MCM9: variants seen among roughly 807,000 people sequenced by gnomAD.
The protein encoded by MCM9 is minichromosome maintenance 9 homologous recombination repair factor.
MCM9 carries 55 observed loss-of-function variants against 72.8 expected under a neutral mutation model. The ratio of observed to expected loss-of-function variants is 0.76; its 90% confidence interval spans 0.61 to 0.95. MCM9 has a LOEUF of 0.95. Ranked by LOEUF, MCM9 falls within the 40% of genes least tolerant of loss-of-function variation. The pLI, the probability that MCM9 is intolerant of heterozygous loss-of-function variation, is 0.00. For synonymous variants in MCM9, 480 were observed against 503.4 expected, an observed-to-expected ratio of 0.95 and a Z score of 0.62; for missense variants, 1,279 against 1,377.0, an observed-to-expected ratio of 0.93 and a Z score of 1.13.
chr6:118,832,029 C>G (rs555997739), intron 9 of MCM9, among the ~76,000 whole-genome samples: 2 of 152,262 alleles, frequency 1.3e-5, no homozygotes, highest in South Asian at 4.1e-4. Context: ...ACTGCCGATT[C>G]TGCCTGGGAT....
intron 9 of MCM9, among the ~76,000 whole-genome samples, chr6:118,854,797 A>T (rs1360573397): frequency 1.3e-5 from 2 of 152,230 alleles, no homozygotes; most frequent in African/African-American, 4.8e-5. Context: ...AGTCTAATAC[A>T]TTGATTGATT....
At chr6:118,829,656 T>C (rs1034840732) in intron 9 of MCM9, among the ~76,000 whole-genome samples, 2 of 152,206 alleles carry the variant, frequency 1.3e-5, no homozygotes. Flanking sequence ...TCTATGTGGA[T>C]AGAAAAGATG....
chr6:118,835,837 ATTTC>A (rs1774916885), intron 9 of MCM9, among the ~76,000 whole-genome samples: 1 of 151,974 alleles, frequency 6.6e-6, no homozygotes, highest in Non-Finnish European at 1.5e-5. Context: ...TGTACCCATT[ATTTC>A]TTTCTCTAGC....
At chr6:118,830,663 A>G (rs577904700) in intron 9 of MCM9, among the ~76,000 whole-genome samples, 1 of 152,374 alleles carries the variant, frequency 6.6e-6, no homozygotes, top group South Asian at 2.1e-4. Flanking sequence ...AAAAATGTCC[A>G]CAACACTGGC....
chr6:118,933,463 G>A (rs1045897088), intron 1 of MCM9, among the ~76,000 whole-genome samples: 1 of 150,192 alleles, frequency 6.7e-6, no homozygotes, highest in Non-Finnish European at 1.5e-5. Flanking sequence ...CCGAGACCAC[G>A]CCACTGCACT....
At position 118,815,447 on chromosome 6, in the gene MCM9, C is replaced by A; in HGVS notation, c.2809G>T (p.Asp937Tyr). The A allele has an allele frequency of 2.6e-6, 4 of 1,550,334 alleles. No homozygotes were observed. The highest frequency in any genetic ancestry group is 3.5e-6 in the Non-Finnish European group (4 of 1,146,932). ...GCACCAGGTGACACATGGCTGTGAT[C>A]TTCAAAGGAGTGGATCAGTTTTGAC... ...QKSKLIHSFE[D>Y]HSHVSPGATK... The change falls in exon 14 of 14, where the codon GAT (aspartate) becomes TAT (tyrosine). Residue 937 changes from aspartate to tyrosine, a missense_variant. By Grantham distance (160) the Asp-to-Tyr change is radical. Coordinates refer to ENST00000619706, the MANE Select transcript of MCM9 (RefSeq NM_017696.3).
At chr6:118,826,549 C>T (rs560767542) in intron 12 of MCM9, among the ~76,000 whole-genome samples, 17 of 152,188 alleles carry the variant, frequency 1.1e-4, no homozygotes, top group Admixed American at 3.9e-4. Flanking sequence ...AAAAAACGAT[C>T]GAAGCGCACT....
At chr6:118,929,654 T>C (rs1311523184) in intron 3 of MCM9, among the ~76,000 whole-genome samples, 1 of 152,174 alleles carries the variant, frequency 6.6e-6, no homozygotes, top group Non-Finnish European at 1.5e-5. Context: ...AAGTCCCCCT[T>C]AATAATCCTT....
chr6:118,828,304 T>C (rs1459250998), intron 10 of MCM9, among the ~76,000 whole-genome samples, 174 bp from the exon 11 acceptor site: 1 of 152,224 alleles, frequency 6.6e-6, no homozygotes, highest in Non-Finnish European at 1.5e-5. Context: ...GATCTAAGCT[T>C]AATAAAGGTA....
At chr6:118,924,500 C>A (rs1205409431) in intron 3 of MCM9, among the ~76,000 whole-genome samples, 1 of 152,020 alleles carries the variant, frequency 6.6e-6, no homozygotes, top group Non-Finnish European at 1.5e-5. Flanking sequence ...TTGCCACTTG[C>A]CACAGATAAA....
chr6:118,900,159 A>G (rs183122296), intron 8 of MCM9, among the ~76,000 whole-genome samples: 1 of 152,098 alleles, frequency 6.6e-6, no homozygotes, highest in Non-Finnish European at 1.5e-5. Flanking sequence ...TAAAGAATGT[A>G]TGACACAGGG....
chr6:118,899,323 G>A (rs999897417), intron 8 of MCM9, among the ~76,000 whole-genome samples: 2 of 152,148 alleles, frequency 1.3e-5, no homozygotes, highest in East Asian at 1.9e-4. Flanking sequence ...CTTCAAAACC[G>A]CATGATCTGG....
intron 8 of MCM9, among the ~76,000 whole-genome samples, chr6:118,896,006 C>T (rs985087056): frequency 1.3e-5 from 2 of 149,620 alleles, no homozygotes; most frequent in African/African-American, 4.9e-5. Flanking sequence ...TATCTCCTTT[C>T]GGTAATCACA....
intron 8 of MCM9, among the ~76,000 whole-genome samples, chr6:118,869,714 T>A (rs774678474): frequency 6.7e-6 from 1 of 149,994 alleles, no homozygotes. Flanking sequence ...AGGTATAGAG[T>A]GGCTGAATGG....
At chr6:118,876,048 A>G (rs1185895260) in intron 8 of MCM9, among the ~76,000 whole-genome samples, 1 of 152,244 alleles carries the variant, frequency 6.6e-6, no homozygotes, top group Non-Finnish European at 1.5e-5. Context: ...TTCATTGTTA[A>G]ACACAAATGA....
chr6:118,837,712 G>A (rs1489327196), intron 9 of MCM9, among the ~76,000 whole-genome samples: 2 of 151,980 alleles, frequency 1.3e-5, no homozygotes, highest in Non-Finnish European at 2.9e-5. Flanking sequence ...CATTTGCTTG[G>A]TAAATATTTC....
At chr6:118,827,782 T>C (rs1460588666) in intron 11 of MCM9, 145 bp downstream of exon 11, 3 of 705,514 alleles carry the variant, frequency 4.3e-6, no homozygotes, top group Non-Finnish European at 7.0e-6. Context: ...AGAGATCTTC[T>C]GGCTCAGAGC....
chr6:118,816,130 T>TC lies in MCM9; in HGVS notation c.2125dup (p.Glu709GlyfsTer15). On this transcript the variant is annotated frameshift_variant, in exon 14 of 14. Transcript: ENST00000619706. LOFTEE classifies it low-confidence loss of function (END_TRUNC). ...TGGGGGATCTAGAACTGGGCTTCCC[T>TC]CGGGGCTGCCTCCAGGAGAGAAGAT... 6.4e-7 allele frequency: 1 copy of TC among 1,550,488 alleles called. No individual in the cohort carries two copies. Among genetic ancestry groups the TC allele is most frequent in the Non-Finnish European group, 8.7e-7 (1 of 1,146,920 alleles).
chr6:118,907,324 T>C lies in MCM9; in HGVS notation c.1150+4326A>G, dbSNP rs534655741. 1.5e-5 allele frequency: 16 copies of C among 1,067,138 alleles called. No homozygotes were observed. In the East Asian group the frequency reaches 3.4e-4, roughly 22 times the overall value. 66.1% of individuals were successfully genotyped at this position (1,067,138 alleles called of 1,614,324 possible). On this transcript the variant is annotated intron_variant, in intron 8 of 13. Coordinates refer to ENST00000619706, the MANE Select transcript of MCM9 (RefSeq NM_017696.3). ...CCTTTAGGAGTACTAACATGAACCA[T>C]TTTATTAAGCTTCTATTTGTATATG... is the stretch of plus-strand genomic sequence containing the variant.
Sources: gnomAD v4.1 joint callset for allele counts (sites outside exome capture counted in the v4.1 genomes callset) on GRCh38, gnomAD v4.1.1 for gene constraint, MANE v1.5 for transcripts, NCBI Gene and HGNC (gene_info 2026-07-23, HGNC 2026-07-21) for gene names.